AGBL2: variants seen among roughly 807,000 people sequenced by gnomAD.
The protein encoded by AGBL2 is AGBL carboxypeptidase 2.
In AGBL2, 87 loss-of-function variants were observed where a neutral mutation model predicts 103.0. The observed-to-expected ratio is 0.84, with a 90% CI of 0.71 to 1.01. The LOEUF (loss-of-function observed/expected upper bound fraction) is 1.01. AGBL2 is among the 50% of genes least tolerant of loss of function. AGBL2 has a pLI of 0.00. For synonymous variants in AGBL2, 335 were observed against 356.7 expected, an observed-to-expected ratio of 0.94 and a Z score of 0.69; for missense variants, 904 against 1,023.5, an observed-to-expected ratio of 0.88 and a Z score of 1.59.
At chr11:47,700,651 A>C (rs1479438053) in intron 7 of AGBL2, among the ~76,000 whole-genome samples, 1 of 152,146 alleles carries the variant, frequency 6.6e-6, no homozygotes, top group Non-Finnish European at 1.5e-5. Context: ...TGAACTTTTC[A>C]ATATCATTTT....
At chr11:47,706,320 T>A (rs1367470048) in intron 4 of AGBL2, among the ~76,000 whole-genome samples, 2 of 151,776 alleles carry the variant, frequency 1.3e-5, no homozygotes, top group Admixed American at 1.3e-4. Flanking sequence ...ATCGAGACCA[T>A]CCTGGCTAAC....
At chr11:47,705,824 A>C in intron 5 of AGBL2, 40 bp downstream of exon 5, 1 of 1,586,000 alleles carries the variant, frequency 6.3e-7, no homozygotes, top group Non-Finnish European at 8.7e-7. Context: ...TAGTCCAAAA[A>C]AGGAGCTTGA....
intron 17 of AGBL2, among the ~76,000 whole-genome samples, chr11:47,666,082 A>AT (rs1313846843): frequency 6.6e-6 from 1 of 151,698 alleles, no homozygotes; most frequent in Non-Finnish European, 1.5e-5. Flanking sequence ...CGGACAGCCT[A>AT]TTTTTTTACA....
intron 14 of AGBL2, among the ~76,000 whole-genome samples, chr11:47,676,412 T>G (rs1169631988): frequency 6.6e-6 from 1 of 152,208 alleles, no homozygotes; most frequent in Non-Finnish European, 1.5e-5. Flanking sequence ...GGTCTAAGCC[T>G]CCATTATCTT....
intron 13 of AGBL2, among the ~76,000 whole-genome samples, 179 bp from the exon 14 acceptor site, chr11:47,677,580 A>G (rs1273138596): frequency 1.3e-5 from 2 of 151,918 alleles, no homozygotes; most frequent in East Asian, 3.9e-4. Flanking sequence ...CAGCCTCCCA[A>G]GTAGCTGGGA....
intron 17 of AGBL2, among the ~76,000 whole-genome samples, chr11:47,664,652 C>A (rs1477776991): frequency 6.6e-6 from 1 of 151,882 alleles, no homozygotes; most frequent in Non-Finnish European, 1.5e-5. Context: ...ACCTCGTGAT[C>A]CGCCTGCCTC....
chr11:47,682,748 C>G (rs1209299664), intron 11 of AGBL2, among the ~76,000 whole-genome samples: 2 of 152,170 alleles, frequency 1.3e-5, no homozygotes, highest in Non-Finnish European at 2.9e-5. Flanking sequence ...GCACCTCTCT[C>G]TATCCACCCT....
chr11:47,686,446 G>GTTTTTTT (rs1565044623), intron 10 of AGBL2, among the ~76,000 whole-genome samples: 1 of 128,060 alleles, frequency 7.8e-6, no homozygotes, highest in South Asian at 2.4e-4. Context: ...TTTTGTTTCT[G>GTTTTTTT]GTTTTTTTTT....
chr11:47,664,419 T>G (rs1037196835), intron 17 of AGBL2, among the ~76,000 whole-genome samples: 5 of 150,946 alleles, frequency 3.3e-5, no homozygotes, highest in South Asian at 2.1e-4. Flanking sequence ...GCTAAGTTTT[T>G]TTTTTTTTTT....
At chr11:47,691,632 T>C (rs2097445687) in intron 9 of AGBL2, among the ~76,000 whole-genome samples, 1 of 142,294 alleles carries the variant, frequency 7.0e-6, no homozygotes, top group South Asian at 2.3e-4. Flanking sequence ...GGCATGAACC[T>C]GGGAGGCGGA....
At chr11:47,671,673 G>A (rs985745962) in intron 14 of AGBL2, among the ~76,000 whole-genome samples, 2 of 152,182 alleles carry the variant, frequency 1.3e-5, no homozygotes, top group Non-Finnish European at 2.9e-5. Flanking sequence ...TGCACAATGA[G>A]TAGTAGTCCC....
chr11:47,686,959 C>CA (rs56079169), intron 10 of AGBL2, among the ~76,000 whole-genome samples: 32,191 of 51,554 alleles, frequency 0.62, 11,626 homozygotes, highest in Non-Finnish European at 0.77. Context: ...AACTCTATCT[C>CA]AAAAAAAAAA....
chr11:47,680,176 G>C (rs2097395813), intron 12 of AGBL2, 103 bp from the exon 13 acceptor site: 2 of 768,198 alleles, frequency 2.6e-6, no homozygotes, highest in Non-Finnish European at 4.1e-6. Context: ...CACTGGCCAG[G>C]CGGGGTGGTT....
chr11:47,708,143 C>T (rs2153805447), intron 4 of AGBL2, among the ~76,000 whole-genome samples: 1 of 152,102 alleles, frequency 6.6e-6, no homozygotes, highest in Non-Finnish European at 1.5e-5. Context: ...TTTCCTCTCA[C>T]TGCAACCTCT....
At chr11:47,672,014 A>G (rs1266112871) in intron 14 of AGBL2, among the ~76,000 whole-genome samples, 1 of 152,220 alleles carries the variant, frequency 6.6e-6, no homozygotes, top group Non-Finnish European at 1.5e-5. Context: ...ATTGGGTTCA[A>G]TAATTCTTAA....
chr11:47,684,505 G>C (rs1329153583), intron 11 of AGBL2, among the ~76,000 whole-genome samples: 1 of 150,248 alleles, frequency 6.7e-6, no homozygotes, highest in Non-Finnish European at 1.5e-5. Context: ...GCAGTGAGCC[G>C]AGATCGCGCC....
At chr11:47,701,708 T>C (rs904777419) in intron 7 of AGBL2, among the ~76,000 whole-genome samples, 1 of 150,598 alleles carries the variant, frequency 6.6e-6, no homozygotes, top group South Asian at 2.1e-4. Context: ...CACAGTGGCT[T>C]ACACCTGTAA....
chr11:47,683,402 T>G (rs980756445), intron 11 of AGBL2, among the ~76,000 whole-genome samples: 1 of 151,954 alleles, frequency 6.6e-6, no homozygotes, highest in African/African-American at 2.4e-5. Context: ...GAAGGAAAGC[T>G]TCCTCCTTTT....
chr11:47,695,392 T>A (rs1039131986), intron 8 of AGBL2, among the ~76,000 whole-genome samples: 1 of 150,456 alleles, frequency 6.6e-6, no homozygotes, highest in Non-Finnish European at 1.5e-5. Context: ...GGAGAATCGC[T>A]TGAACCTGGG....
Sources: allele counts gnomAD v4.1 joint callset (sites outside exome capture counted in the v4.1 genomes callset), GRCh38; gene constraint gnomAD v4.1.1; transcripts MANE v1.5; gene names NCBI Gene and HGNC (gene_info 2026-07-23, HGNC 2026-07-21).